The following FBN2 variants were observed in gnomAD, a reference collection of about 807,000 sequenced individuals.
The protein encoded by FBN2 is fibrillin 2.
FBN2 carries 105 observed loss-of-function variants against 355.6 expected under a neutral mutation model. The observed-to-expected ratio is 0.30, with a 90% CI of 0.25 to 0.35. FBN2 has a LOEUF of 0.35. FBN2 is among the 10% of genes least tolerant of loss of function. The pLI is 1.00. For synonymous variants in FBN2, 1,350 were observed against 1,301.2 expected (o/e 1.04, Z -0.81); for missense variants, 3,280 against 3,758.7 (o/e 0.87, Z 3.33).
At chr5:128,536,815 A>G (rs1369128469) in intron 1 of FBN2, among the ~76,000 whole-genome samples, 1 of 152,154 alleles carries the variant, frequency 6.6e-6, no homozygotes, top group Non-Finnish European at 1.5e-5. Flanking sequence ...CGTTCCAAAG[A>G]ATCCTTGCCC....
At chr5:128,270,863 GA>G (rs920890993) in intron 62 of FBN2, among the ~76,000 whole-genome samples, 6 of 151,824 alleles carry the variant, frequency 4.0e-5, no homozygotes, top group South Asian at 2.1e-4. Flanking sequence ...CTATGAAGAG[GA>G]AAAAAAAGTG....
chr5:128,502,396 C>T (rs1755842974), intron 5 of FBN2, among the ~76,000 whole-genome samples: 1 of 152,216 alleles, frequency 6.6e-6, no homozygotes, highest in South Asian at 2.1e-4. Flanking sequence ...CTCCACAACA[C>T]ATTCAATGTC....
intron 61 of FBN2, among the ~76,000 whole-genome samples, chr5:128,273,164 G>A (rs1260250890): frequency 6.6e-6 from 1 of 152,140 alleles, no homozygotes; most frequent in Non-Finnish European, 1.5e-5. Context: ...TCTCTGGCAT[G>A]GGTGTTTATA....
chr5:128,304,988 A>G lies in FBN2; in HGVS notation c.5769T>C (p.Phe1923=). 3 of 1,614,040 alleles carry G rather than the reference A, an allele frequency of 1.9e-6. No individual in the cohort carries two copies. Among genetic ancestry groups the G allele is most frequent in the Non-Finnish European group, 2.5e-6 (3 of 1,179,978 alleles). ...ACATGGTCTGGTCCTGAGAAGCCTT[A>G]AAGCCATTGTGGCAGATGCACTGGT... ...GSYQCICHNG[F]KASQDQTMCM... Residue 1923 remains phenylalanine (F), a synonymous_variant, in exon 45 of 65, where the codon TTT becomes TTC. Coordinates refer to ENST00000262464, the MANE Select transcript of FBN2 (RefSeq NM_001999.4).
At position 128,303,035 on chromosome 5, in the gene FBN2, A is replaced by G. The variant is rs372879535; in HGVS notation, c.5855T>C (p.Val1952Ala). ...PCGNGTCKNT[V>A]GSYNCLCYPG... Reference sequence around the variant, plus strand: ...GTAGCACAGACAGTTATAGGATCCAACGGTGTTTTTACAAGTTCCATTTCC... The same window carrying G: ...GTAGCACAGACAGTTATAGGATCCAGCGGTGTTTTTACAAGTTCCATTTCC... The change falls in exon 46 of 65, where the codon GTT (valine) becomes GCT (alanine). Residue 1952 changes from valine to alanine, a missense_variant. Transcript: ENST00000262464. 1.4e-5 allele frequency: 22 copies of G among 1,613,120 alleles called. No homozygotes were observed. In the African/African-American group the frequency reaches 1.5e-4, roughly 11 times the overall value.
intron 5 of FBN2, among the ~76,000 whole-genome samples, chr5:128,511,082 C>G (rs1050743252): frequency 6.6e-6 from 1 of 152,138 alleles, no homozygotes; most frequent in Non-Finnish European, 1.5e-5. Context: ...ATGTTATCTT[C>G]CCTCCAAATT....
chr5:128,278,495 C>A lies in FBN2; in HGVS notation c.7345+140G>T, dbSNP rs1156600307. ...TTCTATATACATATATATGAAAACA[C>A]ACATCAAATATAAATATCAAGGTAT... On this transcript the variant is annotated intron_variant, in intron 57 of 64. Transcript: ENST00000262464. 4.1e-6 allele frequency: 3 copies of A among 732,712 alleles called. No homozygotes were observed. The Admixed American group carries it at 6.4e-5, about 16-fold the overall frequency. 45.4% of individuals were successfully genotyped at this position (732,712 alleles called of 1,614,324 possible). A position where few individuals can be genotyped will look rare whatever the true frequency, so the allele number is the denominator to read the frequency against.
chr5:128,344,950 C>T lies in FBN2; in HGVS notation c.3217+407G>A, dbSNP rs184363683. Among the ~76,000 whole-genome samples the T allele has an allele frequency of 9.9e-3, 1,503 of 152,264 alleles. 23 individuals are homozygous for T. Among genetic ancestry groups the T allele is most frequent in the African/African-American group, 0.034 (1,417 of 41,572 alleles). ...TCCTGACCTCAGGTGATCCACCCAC[C>T]TCAGCCTCCCAAAGTGCTAGGATTA... On this transcript the variant is annotated intron_variant, in intron 24 of 64. Transcript: ENST00000262464.
intron 8 of FBN2, among the ~76,000 whole-genome samples, chr5:128,404,715 C>T (rs1221894647): frequency 2.6e-5 from 4 of 152,218 alleles, no homozygotes; most frequent in Non-Finnish European, 5.9e-5. Context: ...CAGGGCCTAA[C>T]AAAGCCCACA....
chr5:128,420,655 CTT>C (rs1753322237), intron 7 of FBN2, among the ~76,000 whole-genome samples: 1 of 152,084 alleles, frequency 6.6e-6, no homozygotes, highest in Admixed American at 6.6e-5. Context: ...GGGTATATCT[CTT>C]AAATAAATAT....
intron 5 of FBN2, among the ~76,000 whole-genome samples, chr5:128,494,641 T>C (rs1427893316): frequency 6.6e-6 from 1 of 152,044 alleles, no homozygotes; most frequent in African/African-American, 2.4e-5. Flanking sequence ...ACAAGAACAG[T>C]AAAAGAGAGC....
In FBN2 at chr5:128,263,763, T is replaced by C. The variant is rs566237424; in HGVS notation, c.7961-107A>G. 4 of 701,396 alleles carry C rather than the reference T, an allele frequency of 5.7e-6. No individual in the cohort carries two copies. The African/African-American group carries it at 7.2e-5, about 13-fold the overall frequency. 43.4% of individuals were successfully genotyped at this position (701,396 alleles called of 1,614,324 possible). On this transcript the variant is annotated intron_variant, in intron 62 of 64. Coordinates refer to ENST00000262464, the MANE Select transcript of FBN2 (RefSeq NM_001999.4). ...TGTGATTTTATGGCAGAAATAACTC[T>C]AACACAGTATTTTATTTTATTCTGA...
At chr5:128,419,368 T>A (rs182263660) in intron 7 of FBN2, among the ~76,000 whole-genome samples, 1 of 152,260 alleles carries the variant, frequency 6.6e-6, no homozygotes, top group African/African-American at 2.4e-5. Context: ...ATGGTGAGAG[T>A]AGACATCAGT....
At chr5:128,426,095 T>C (rs1753475505) in intron 7 of FBN2, among the ~76,000 whole-genome samples, 2 of 152,084 alleles carry the variant, frequency 1.3e-5, no homozygotes, top group Non-Finnish European at 2.9e-5. Context: ...TGGAATTGCA[T>C]AAACCCAACA....
chr5:128,335,077 C>T (rs1048227733), intron 30 of FBN2, 93 bp downstream of exon 30: 18 of 1,553,218 alleles, frequency 1.2e-5, no homozygotes, highest in Non-Finnish European at 1.5e-5. Flanking sequence ...AAAATAACAA[C>T]AGAAAAAGCC....
chr5:128,468,988 C>A (rs1754785061), intron 5 of FBN2, among the ~76,000 whole-genome samples: 1 of 152,076 alleles, frequency 6.6e-6, no homozygotes. Flanking sequence ...CTGGAGTGTT[C>A]TCTTAATTGT....
At chr5:128,297,878 T>A (rs1423344292) in intron 48 of FBN2, among the ~76,000 whole-genome samples, 1 of 152,066 alleles carries the variant, frequency 6.6e-6, no homozygotes, top group Admixed American at 6.5e-5. Context: ...ATCCTGTCAT[T>A]ATGACGTTAG....
Position 128,392,016 on chromosome 5 carries a change from A to G in FBN2, c.1603+2T>C. 1.2e-6 allele frequency: 2 copies of G among 1,613,270 alleles called. No homozygotes were observed. The highest frequency in any genetic ancestry group is 1.1e-5 in the South Asian group (1 of 91,066). On this transcript the variant is annotated splice_donor_variant, in intron 11 of 64. Transcript: ENST00000262464. LOFTEE classifies it high-confidence loss of function. ...AGGATTATTAAAGAATCACAAACTT[A>G]CCTATACAATCTCCATTTGCATCCT...
chr5:128,304,083 C>T (rs753006844), intron 45 of FBN2, among the ~76,000 whole-genome samples: 1 of 152,168 alleles, frequency 6.6e-6, no homozygotes, highest in African/African-American at 2.4e-5. Flanking sequence ...GAAACCAGTC[C>T]TGCAGTACTG....
Sources: allele counts gnomAD v4.1 joint callset (sites outside exome capture counted in the v4.1 genomes callset), GRCh38; gene constraint gnomAD v4.1.1; transcripts MANE v1.5; gene names NCBI Gene and HGNC (gene_info 2026-07-23, HGNC 2026-07-21).